Variants in CACNA2D3 observed in about 807,000 individuals in gnomAD.
CACNA2D3 encodes voltage-dependent calcium channel subunit alpha-2/delta-3.
CACNA2D3 carries 60 observed loss-of-function variants against 160.6 expected under a neutral mutation model. That is an observed-to-expected ratio of 0.37 (90% CI 0.30 to 0.46). The LOEUF (loss-of-function observed/expected upper bound fraction) is 0.46, where lower values mean the gene tolerates loss of function less well. CACNA2D3 is among the 20% of genes least tolerant of loss of function. The probability of loss-of-function intolerance (pLI) is 1.00; values close to 1 mark genes in which losing one functional copy is unlikely to be tolerated. For missense variants in CACNA2D3, 1,205 were observed against 1,365.0 expected (o/e 0.88, Z 1.85); for synonymous variants, 558 against 492.9 (o/e 1.13, Z -1.75).
At chr3:54,690,014 C>T (rs1209920911) in intron 11 of CACNA2D3, among the ~76,000 whole-genome samples, 1 of 152,012 alleles carries the variant, frequency 6.6e-6, no homozygotes, top group Non-Finnish European at 1.5e-5. Context: ...CTGAGACAAG[C>T]AGGCACTCTC....
intron 11 of CACNA2D3, among the ~76,000 whole-genome samples, chr3:54,655,576 A>G (rs1038175001): frequency 6.6e-6 from 1 of 152,230 alleles, no homozygotes; most frequent in African/African-American, 2.4e-5. Context: ...AGATTAAAGT[A>G]TTCTACTGCA....
At chr3:54,705,606 T>A (rs1700843214) in intron 11 of CACNA2D3, among the ~76,000 whole-genome samples, 1 of 152,220 alleles carries the variant, frequency 6.6e-6, no homozygotes, top group Non-Finnish European at 1.5e-5. Context: ...GGTTCAATAT[T>A]TTTAATGAGT....
chr3:54,454,269 T>C (rs1012140668), intron 4 of CACNA2D3, among the ~76,000 whole-genome samples: 2 of 152,160 alleles, frequency 1.3e-5, no homozygotes, highest in East Asian at 3.8e-4. Context: ...AGTGTACAAT[T>C]TGATGAATTT....
At chr3:54,698,480 G>C (rs1465350020) in intron 11 of CACNA2D3, among the ~76,000 whole-genome samples, 3 of 152,128 alleles carry the variant, frequency 2.0e-5, no homozygotes, top group African/African-American at 4.8e-5. Context: ...AAAACATAAG[G>C]CGTGTTTAAT....
chr3:55,063,293 T>G (rs1049667165), intron 35 of CACNA2D3, among the ~76,000 whole-genome samples: 4 of 151,494 alleles, frequency 2.6e-5, no homozygotes, highest in Non-Finnish European at 4.4e-5. Flanking sequence ...AGCAAGATCC[T>G]CAGGTCATCC....
intron 37 of CACNA2D3, 66 bp downstream of exon 37, chr3:55,073,925 C>CAAAG (rs1221715737): frequency 2.3e-6 from 3 of 1,318,832 alleles, no homozygotes; most frequent in South Asian, 1.2e-5. Flanking sequence ...TCACACTGGT[C>CAAAG]AAAGAACTAC....
chr3:54,132,681 A>G (rs1699736450), intron 2 of CACNA2D3, among the ~76,000 whole-genome samples: 1 of 152,164 alleles, frequency 6.6e-6, no homozygotes, highest in African/African-American at 2.4e-5. Flanking sequence ...ATGTATACTT[A>G]GAAAGAAATC....
chr3:54,805,016 A>G (rs1439980520), intron 13 of CACNA2D3, among the ~76,000 whole-genome samples: 1 of 152,250 alleles, frequency 6.6e-6, no homozygotes, highest in East Asian at 1.9e-4. Flanking sequence ...GAACAAAGAC[A>G]CAACATACCA....
chr3:54,218,922 C>T (rs915884155), intron 2 of CACNA2D3, among the ~76,000 whole-genome samples: 2 of 152,162 alleles, frequency 1.3e-5, no homozygotes. Flanking sequence ...CTGAGTCCAC[C>T]CAGATAATCC....
chr3:54,463,102 C>T (rs1264774013), intron 4 of CACNA2D3, among the ~76,000 whole-genome samples: 1 of 151,842 alleles, frequency 6.6e-6, no homozygotes, highest in African/African-American at 2.4e-5. Context: ...TGAATATTGG[C>T]CCCCACTCTC....
At chr3:54,633,095 C>G (rs961416704) in intron 10 of CACNA2D3, among the ~76,000 whole-genome samples, 4 of 152,190 alleles carry the variant, frequency 2.6e-5, no homozygotes, top group Non-Finnish European at 5.9e-5. Flanking sequence ...AGCACTCACC[C>G]TCAGGATCAC....
intron 9 of CACNA2D3, among the ~76,000 whole-genome samples, chr3:54,594,996 G>T (rs944124109): frequency 2.6e-5 from 4 of 152,060 alleles, no homozygotes; most frequent in Admixed American, 2.6e-4. Context: ...TTACCTTTCC[G>T]GCATGGTTCA....
intron 4 of CACNA2D3, among the ~76,000 whole-genome samples, chr3:54,453,314 G>A (rs76415164): frequency 0.024 from 3,674 of 152,172 alleles, 73 homozygotes; most frequent in East Asian, 0.096. Context: ...TAAGGACAGC[G>A]GTTATATTGG....
At chr3:54,332,532 A>C (rs1452075321) in intron 3 of CACNA2D3, among the ~76,000 whole-genome samples, 1 of 152,238 alleles carries the variant, frequency 6.6e-6, no homozygotes, top group African/African-American at 2.4e-5. Flanking sequence ...CCAATGTGTA[A>C]ATCAAGTTCA....
At chr3:55,068,826 G>A (rs1436209844) in intron 35 of CACNA2D3, among the ~76,000 whole-genome samples, 1 of 152,098 alleles carries the variant, frequency 6.6e-6, no homozygotes, top group Non-Finnish European at 1.5e-5. Flanking sequence ...GAGCATCTTT[G>A]TACATGACTT....
At chr3:54,642,531 TTTA>T (rs1453300442) in intron 11 of CACNA2D3, among the ~76,000 whole-genome samples, 1 of 152,218 alleles carries the variant, frequency 6.6e-6, no homozygotes, top group Admixed American at 6.5e-5. Context: ...TTTCTTTATT[TTTA>T]TTTGCCCTTG....
At chr3:54,365,895 C>T (rs1449511859) in intron 3 of CACNA2D3, among the ~76,000 whole-genome samples, 6 of 152,096 alleles carry the variant, frequency 3.9e-5, no homozygotes, top group Non-Finnish European at 8.8e-5. Context: ...TACAGCCTAT[C>T]CTCTCAGAGT....
intron 31 of CACNA2D3, among the ~76,000 whole-genome samples, chr3:54,990,736 C>T (rs1702720808): frequency 6.6e-6 from 1 of 152,144 alleles, no homozygotes; most frequent in South Asian, 2.1e-4. Flanking sequence ...TCTCCCCTGA[C>T]CATTCTGACC....
At chr3:54,947,798 A>G (rs1021949497) in intron 27 of CACNA2D3, among the ~76,000 whole-genome samples, 2 of 152,176 alleles carry the variant, frequency 1.3e-5, no homozygotes, top group South Asian at 2.1e-4. Flanking sequence ...TTTTATAATC[A>G]TTGCAATGTT....
Sources: gnomAD v4.1 joint callset for allele counts (sites outside exome capture counted in the v4.1 genomes callset) on GRCh38, gnomAD v4.1.1 for gene constraint, MANE v1.5 for transcripts, NCBI Gene and HGNC (gene_info 2026-07-23, HGNC 2026-07-21) for gene names.